Variants in KDM4C observed in about 807,000 individuals in gnomAD.
KDM4C encodes lysine demethylase 4C.
KDM4C carries 81 observed loss-of-function variants against 129.3 expected under a neutral mutation model. The ratio of observed to expected loss-of-function variants is 0.63; its 90% CI spans 0.52 to 0.75. KDM4C has a LOEUF of 0.75. Ranked by LOEUF, KDM4C falls within the 30% of genes least tolerant of loss-of-function variation. The probability of loss-of-function intolerance (pLI) is 0.00; values close to 1 mark genes in which losing one functional copy is unlikely to be tolerated. For synonymous variants in KDM4C, 573 were observed against 456.1 expected, an observed-to-expected ratio of 1.26 and a Z score of -3.26; for missense variants, 1,457 against 1,304.0, an observed-to-expected ratio of 1.12 and a Z score of -1.81.
chr9:6,896,564 T>TTTG (rs1475901014), intron 8 of KDM4C, among the ~76,000 whole-genome samples: 1 of 151,856 alleles, frequency 6.6e-6, no homozygotes, highest in Non-Finnish European at 1.5e-5. Context: ...GAGAAGGCAA[T>TTTG]TTGTTTTTTA....
intron 12 of KDM4C, among the ~76,000 whole-genome samples, chr9:6,992,010 G>A (rs1447866305): frequency 7.7e-6 from 1 of 130,338 alleles, no homozygotes; most frequent in Non-Finnish European, 1.7e-5. Context: ...ATAATGTTGA[G>A]TTCTTTTTCT....
intron 17 of KDM4C, among the ~76,000 whole-genome samples, chr9:7,087,933 G>T (rs1176227642): frequency 7.2e-5 from 11 of 152,220 alleles, no homozygotes; most frequent in Admixed American, 7.2e-4. Context: ...AGTTTATGGA[G>T]AACGCCGATT....
chr9:6,735,622 A>T (rs1490986278), intron 1 of KDM4C, among the ~76,000 whole-genome samples: 1 of 152,312 alleles, frequency 6.6e-6, no homozygotes, highest in Non-Finnish European at 1.5e-5. Context: ...TCCATGTGAG[A>T]CGTGCCTTGC....
chr9:6,755,386 C>G (rs191768185), upstream of KDM4C, among the ~76,000 whole-genome samples: 339 of 146,290 alleles, frequency 2.3e-3, 2 homozygotes, highest in African/African-American at 8.3e-3. Flanking sequence ...TAAAAAAATG[C>G]AAAAATTAGC....
At chr9:6,939,587 T>A (rs1282675642) in intron 8 of KDM4C, among the ~76,000 whole-genome samples, 4 of 152,178 alleles carry the variant, frequency 2.6e-5, no homozygotes, top group Admixed American at 1.3e-4. Flanking sequence ...TGATTGGATG[T>A]AGAGTTGGGT....
chr9:7,025,940 C>T (rs1207399829), intron 15 of KDM4C, among the ~76,000 whole-genome samples: 1 of 152,158 alleles, frequency 6.6e-6, no homozygotes, highest in East Asian at 1.9e-4. Context: ...CACGGTGGCC[C>T]ATGCCTGTAA....
chr9:7,103,226 T>G (rs904316172), intron 17 of KDM4C, among the ~76,000 whole-genome samples: 1 of 152,226 alleles, frequency 6.6e-6, no homozygotes, highest in South Asian at 2.1e-4. Context: ...CTATGCTGTT[T>G]GGGTGTTTTT....
chr9:6,832,552 A>G (rs971502341), intron 4 of KDM4C, among the ~76,000 whole-genome samples: 1 of 144,066 alleles, frequency 6.9e-6, no homozygotes, highest in African/African-American at 2.6e-5. Context: ...CAGCCTCCCG[A>G]GTAGCTGGGA....
rs150226706 is a variant in KDM4C, at chr9:6,723,945, C to A, written c.49+2948C>A. 6 of 152,278 alleles carry A rather than the reference C, an allele frequency of 3.9e-5. No homozygotes were observed. The East Asian group carries it at 1.2e-3, about 29-fold the overall frequency. 9.4% of individuals were successfully genotyped at this position (152,278 alleles called of 1,614,324 possible). On this transcript the variant is annotated intron_variant, in intron 1 of 17. Coordinates refer to the KDM4C transcript ENST00000536108. ...GAAGTGTTAAGTATGTATAACACTT[C>A]TTTTGATTGTAAGGAATGTTCCCAG...
intron 1 of KDM4C, among the ~76,000 whole-genome samples, chr9:6,780,203 G>A: frequency 6.6e-6 from 1 of 152,036 alleles, no homozygotes; most frequent in Non-Finnish European, 1.5e-5. Flanking sequence ...TGCCAGCTGT[G>A]TAAGTATGAG....
chr9:7,078,074 A>T (rs1834123037), intron 17 of KDM4C, among the ~76,000 whole-genome samples: 1 of 152,358 alleles, frequency 6.6e-6, no homozygotes, highest in African/African-American at 2.4e-5. Context: ...GACAAATTAT[A>T]TCCAGAATGT....
At chr9:7,148,120 C>G (rs1032488720) in intron 19 of KDM4C, among the ~76,000 whole-genome samples, 6 of 152,216 alleles carry the variant, frequency 3.9e-5, no homozygotes, top group Admixed American at 2.0e-4. Context: ...TGTGGCTGGA[C>G]CAGATATACG....
At chr9:7,047,054 C>G (rs1829507453) in intron 16 of KDM4C, 137 bp downstream of exon 16, 1 of 640,854 alleles carries the variant, frequency 1.6e-6, no homozygotes, top group Admixed American at 2.7e-5. Flanking sequence ...GGTTGGAATT[C>G]TGTGCTTCAG....
At chr9:6,992,113 A>T (rs1015140286) in intron 12 of KDM4C, among the ~76,000 whole-genome samples, 2 of 152,108 alleles carry the variant, frequency 1.3e-5, no homozygotes, top group Non-Finnish European at 2.9e-5. Context: ...TTAATACTTA[A>T]TGTATAATGC....
intron 17 of KDM4C, 85 bp downstream of exon 17, chr9:7,049,285 G>A: frequency 1.7e-6 from 1 of 601,606 alleles, no homozygotes; most frequent in South Asian, 2.4e-5. Context: ...ACATTCCCAA[G>A]GTATATTTTC....
intron 5 of KDM4C, among the ~76,000 whole-genome samples, chr9:6,873,605 A>G (rs991931901): frequency 6.6e-6 from 1 of 152,222 alleles, no homozygotes; most frequent in Non-Finnish European, 1.5e-5. Context: ...TCTTCATAGA[A>G]TTGAAGAGAA....
chr9:6,905,858 A>C (rs572569659), intron 8 of KDM4C, among the ~76,000 whole-genome samples: 1 of 152,202 alleles, frequency 6.6e-6, no homozygotes, highest in Non-Finnish European at 1.5e-5. Flanking sequence ...TTCTCCTTCA[A>C]TTCCTATTAC....
In KDM4C at chr9:7,069,892, G is replaced by T. The variant is rs537163004; in HGVS notation, c.2424+20692G>T. ...AGAATATATTAAGGTTCTCACACCA[G>T]ATTTGAAGTGCTACAATATTATTTG... On this transcript the variant is annotated intron_variant, in intron 17 of 21. Transcript: ENST00000381309. 9.6e-4 allele frequency among the ~76,000 whole-genome samples: 146 copies of T among 152,310 alleles called. 1 individual carries two copies. The highest frequency in any genetic ancestry group is 3.4e-3 in the African/African-American group (140 of 41,564).
At chr9:6,825,332 AG>A (rs1833713238) in intron 4 of KDM4C, among the ~76,000 whole-genome samples, 1 of 152,196 alleles carries the variant, frequency 6.6e-6, no homozygotes, top group African/African-American at 2.4e-5. Flanking sequence ...CCCTCTGACA[AG>A]GTCTGCGTGT....
Sources: allele counts gnomAD v4.1 joint callset (sites outside exome capture counted in the v4.1 genomes callset), GRCh38; gene constraint gnomAD v4.1.1; transcripts MANE v1.5; gene names NCBI Gene and HGNC (gene_info 2026-07-23, HGNC 2026-07-21).